The following IQCM variants were observed in gnomAD, a reference collection of about 807,000 sequenced individuals.
The protein encoded by IQCM is IQ domain-containing protein M.
A neutral mutation model predicts 57.6 loss-of-function variants in IQCM; 45 were observed. The observed-to-expected ratio is 0.78, with a 90% confidence interval of 0.62 to 1.00. The LOEUF (loss-of-function observed/expected upper bound fraction) is 1.00. Among genes scored for constraint, IQCM ranks in the 50% least tolerant of loss-of-function variants. The pLI, the probability that IQCM is intolerant of heterozygous loss-of-function variation, is 0.00. For missense variants in IQCM, 468 were observed against 511.6 expected (o/e 0.91, Z 0.82); for synonymous variants, 148 against 158.9 (o/e 0.93, Z 0.51).
chr4:149,503,553 G>A lies in IQCM; in HGVS notation c.1228+44902C>T, dbSNP rs140096624. On this transcript the variant is annotated intron_variant, in intron 12 of 13. Transcript: ENST00000636793. ...TTTTTGATGTGCAGCCAAATTGTAG[G>A]AGACATGTAAATGCTAAAGACTTAC... is the stretch of plus-strand genomic sequence containing the variant. 2.0e-5 allele frequency among the ~76,000 whole-genome samples: 3 copies of A among 152,194 alleles called. No homozygotes were observed. The East Asian group carries it at 5.8e-4, about 29-fold the overall frequency.
At chr4:149,431,848 A>T (rs955868949) in intron 13 of IQCM, among the ~76,000 whole-genome samples, 55 of 151,854 alleles carry the variant, frequency 3.6e-4, no homozygotes, top group African/African-American at 1.3e-3. Flanking sequence ...ATTTTTATGG[A>T]TGAACCAAAT....
At chr4:149,659,475 A>AACT (rs1759965341) in intron 7 of IQCM, among the ~76,000 whole-genome samples, 1 of 152,146 alleles carries the variant, frequency 6.6e-6, no homozygotes, top group South Asian at 2.1e-4. Context: ...AATTGGAAAA[A>AACT]ACTACTTTAA....
At chr4:149,631,111 G>A (rs1042498942) in intron 7 of IQCM, among the ~76,000 whole-genome samples, 2 of 152,152 alleles carry the variant, frequency 1.3e-5, no homozygotes, top group African/African-American at 4.8e-5. Context: ...GCTCCAATAA[G>A]AGATCCTGGG....
chr4:149,618,092 C>T (rs1018203835), intron 8 of IQCM, among the ~76,000 whole-genome samples: 1 of 152,112 alleles, frequency 6.6e-6, no homozygotes, highest in African/African-American at 2.4e-5. Context: ...TATCACATTA[C>T]CTGACTTCAA....
At chr4:149,476,307 G>A (rs538686030) in intron 12 of IQCM, among the ~76,000 whole-genome samples, 1 of 152,222 alleles carries the variant, frequency 6.6e-6, no homozygotes, top group Admixed American at 6.5e-5. Flanking sequence ...GGCAGAAAAC[G>A]AAATTCAAAA....
chr4:149,617,199 C>T (rs1410694190), intron 8 of IQCM, among the ~76,000 whole-genome samples: 1 of 152,144 alleles, frequency 6.6e-6, no homozygotes, highest in African/African-American at 2.4e-5. Context: ...AGGTGATCCA[C>T]CTGCCTCAGC....
chr4:149,744,273 A>AGAC (rs1767721131), intron 2 of IQCM, among the ~76,000 whole-genome samples: 1 of 152,240 alleles, frequency 6.6e-6, no homozygotes, highest in South Asian at 2.1e-4. Flanking sequence ...CTAGTTCTGC[A>AGAC]AATGAACTGG....
intron 10 of IQCM, among the ~76,000 whole-genome samples, chr4:149,557,165 G>A (rs1244682661): frequency 2.0e-5 from 3 of 152,086 alleles, no homozygotes; most frequent in African/African-American, 7.2e-5. Flanking sequence ...CTCTATTAGC[G>A]TCAGGTGGGA....
At chr4:149,734,837 TGCC>T (rs1473440615) in intron 4 of IQCM, among the ~76,000 whole-genome samples, 8 of 152,120 alleles carry the variant, frequency 5.3e-5, no homozygotes, top group Admixed American at 4.6e-4. Flanking sequence ...TCGAAATATA[TGCC>T]ATTCAGCAAA....
chr4:149,406,786 G>A (rs1733009672), intron 13 of IQCM, among the ~76,000 whole-genome samples: 1 of 152,128 alleles, frequency 6.6e-6, no homozygotes, highest in African/African-American at 2.4e-5. Context: ...TAGTTATCTA[G>A]ATAATTAAAT....
At chr4:149,613,847 G>T (rs1374247923) in intron 8 of IQCM, among the ~76,000 whole-genome samples, 1 of 151,930 alleles carries the variant, frequency 6.6e-6, no homozygotes, top group African/African-American at 2.4e-5. Flanking sequence ...GCAATAGTTT[G>T]CTGAGAATGA....
intron 13 of IQCM, among the ~76,000 whole-genome samples, chr4:149,364,649 C>G (rs570752086): frequency 6.6e-6 from 1 of 151,864 alleles, no homozygotes; most frequent in South Asian, 2.1e-4. Context: ...GGTACCCAGT[C>G]ACAGAGTAAG....
chr4:149,360,035 T>C (rs1265302384), intron 13 of IQCM, among the ~76,000 whole-genome samples: 1 of 151,856 alleles, frequency 6.6e-6, no homozygotes, highest in African/African-American at 2.4e-5. Flanking sequence ...ATTATTATAT[T>C]ACTCATAGTC....
chr4:149,659,924 G>C (rs1265093018), intron 7 of IQCM, among the ~76,000 whole-genome samples: 2 of 151,082 alleles, frequency 1.3e-5, no homozygotes, highest in East Asian at 3.9e-4. Context: ...GGCATGGGCA[G>C]GGACTTCATG....
At chr4:149,735,213 GA>G (rs1295050119) in intron 4 of IQCM, among the ~76,000 whole-genome samples, 162 bp downstream of exon 4, 1 of 152,008 alleles carries the variant, frequency 6.6e-6, no homozygotes, top group Non-Finnish European at 1.5e-5. Context: ...AATGTCATTT[GA>G]AATCAATTTT....
At chr4:149,664,911 C>A (rs552848741) in intron 7 of IQCM, among the ~76,000 whole-genome samples, 4 of 152,112 alleles carry the variant, frequency 2.6e-5, no homozygotes, top group Non-Finnish European at 5.9e-5. Context: ...TGTGCACAGG[C>A]GCAGCAGGTC....
At chr4:149,510,459 T>A (rs1432259943) in intron 12 of IQCM, among the ~76,000 whole-genome samples, 1 of 152,168 alleles carries the variant, frequency 6.6e-6, no homozygotes, top group Non-Finnish European at 1.5e-5. Context: ...CAATAAACAT[T>A]TTTTATTTTG....
chr4:149,449,728 T>C (rs879640791), intron 12 of IQCM, among the ~76,000 whole-genome samples: 1 of 151,650 alleles, frequency 6.6e-6, no homozygotes, highest in Non-Finnish European at 1.5e-5. Context: ...AAAAGGAAGA[T>C]ATTTCATGTT....
chr4:149,680,015 G>T (rs1762064155), intron 7 of IQCM, among the ~76,000 whole-genome samples: 1 of 151,304 alleles, frequency 6.6e-6, no homozygotes, highest in Admixed American at 6.6e-5. Context: ...CACAAAATAA[G>T]TTGGTGGCCA....
Sources: allele counts gnomAD v4.1 joint callset (sites outside exome capture counted in the v4.1 genomes callset), GRCh38; gene constraint gnomAD v4.1.1; transcripts MANE v1.5; gene names NCBI Gene and HGNC (gene_info 2026-07-23, HGNC 2026-07-21).